Variants in CFAP47 observed in about 807,000 individuals in gnomAD.
CFAP47 encodes cilia- and flagella-associated protein 47.
In CFAP47, 29 loss-of-function variants were observed where a neutral mutation model predicts 148.1. The ratio of observed to expected loss-of-function variants is 0.20; its 90% CI spans 0.15 to 0.27. CFAP47 has a LOEUF of 0.27. CFAP47 is among the 10% of genes least tolerant of loss of function. The probability of loss-of-function intolerance (pLI) is 1.00; values close to 1 mark genes in which losing one functional copy is unlikely to be tolerated. For synonymous variants in CFAP47, 664 were observed against 577.3 expected, an observed-to-expected ratio of 1.15 and a Z score of -2.15; for missense variants, 1,872 against 1,697.5, an observed-to-expected ratio of 1.10 and a Z score of -1.81.
At chrX:36,060,769 G>C (rs889225872) in intron 26 of CFAP47, among the ~76,000 whole-genome samples, 1 of 111,330 alleles carries the variant, frequency 9.0e-6, no homozygotes, top group Non-Finnish European at 1.9e-5. Context: ...AGAATTATTA[G>C]TGTTTATAAA....
At chrX:36,113,320 A>G (rs1201243507) in intron 33 of CFAP47, among the ~76,000 whole-genome samples, 1 of 111,866 alleles carries the variant, frequency 8.9e-6, no homozygotes, top group Non-Finnish European at 1.9e-5. Flanking sequence ...TTGTCTGAAT[A>G]GGATCTTATT....
Position 36,263,886 on chromosome X carries a change from C to G in CFAP47, c.7444+12442C>G, listed in dbSNP as rs782520977. ...TGTGCTGAGTCTCACCTGAAGCCAGCAAGTCTCAGAGGCTCACCCAAGGCC... is the reference window on the plus strand; with the variant it reads ...TGTGCTGAGTCTCACCTGAAGCCAGGAAGTCTCAGAGGCTCACCCAAGGCC... On this transcript the variant is annotated intron_variant, in intron 49 of 63. Coordinates refer to ENST00000378653, the MANE Select transcript of CFAP47 (RefSeq NM_001304548.2). Among the ~76,000 whole-genome samples the G allele has an allele frequency of 2.7e-5, 3 of 111,995 alleles. No homozygotes were observed. The East Asian group carries it at 8.4e-4, about 32-fold the overall frequency.
chrX:36,042,703 C>T (rs1937421258), intron 25 of CFAP47, among the ~76,000 whole-genome samples: 1 of 111,349 alleles, frequency 9.0e-6, no homozygotes, highest in Non-Finnish European at 1.9e-5. Context: ...CACCGATATT[C>T]ATGGATTGGA....
rs28473164 is a variant in CFAP47, at chrX:36,235,948, C to T, written c.7029C>T (p.Asn2343=). 7,330 of 489,506 alleles carry T rather than the reference C, an allele frequency of 0.015. 408 individuals are homozygous for T. In the African/African-American group the frequency reaches 0.15, roughly 10 times the overall value. 40.3% of individuals were successfully genotyped at this position (489,506 alleles called of 1,213,427 possible). ...TCATGCTTTAGAAAAATCAAACAAA[C>T]GATAAATGGACCTTTCAAGTTACTA... The part of the protein sequence containing the change: ...TQNIPIKNQT[N]DKWTFQVTIE... The change falls in exon 47 of 64, where the codon AAC becomes AAT. Residue 2343 remains asparagine (N), a synonymous_variant. Coordinates refer to ENST00000378653, the MANE Select transcript of CFAP47 (RefSeq NM_001304548.2).
At chrX:36,031,886 C>T (rs749077223) in intron 23 of CFAP47, among the ~76,000 whole-genome samples, 16 of 110,201 alleles carry the variant, frequency 1.5e-4, no homozygotes, top group African/African-American at 5.2e-4. Context: ...TTGCACTGCC[C>T]CTTTTTGTCT....
At chrX:36,358,667 C>T (rs1556018771) in intron 60 of CFAP47, among the ~76,000 whole-genome samples, 1 of 111,754 alleles carries the variant, frequency 8.9e-6, no homozygotes. Flanking sequence ...TGCATTGTCT[C>T]GCTCTTTTCT....
intron 22 of CFAP47, 128 bp downstream of exon 22, chrX:36,015,040 G>C (rs1439918368): frequency 8.7e-5 from 22 of 251,466 alleles, no homozygotes. Context: ...AAAATTTTAA[G>C]AGGATTCCTT....
chrX:35,922,475 C>G (rs1318255080), intron 1 of CFAP47, among the ~76,000 whole-genome samples: 1 of 112,537 alleles, frequency 8.9e-6, no homozygotes, highest in Non-Finnish European at 1.9e-5. Flanking sequence ...GCAGTTTGAC[C>G]AAAAGCACAT....
intron 10 of CFAP47, 68 bp from the exon 11 acceptor site, chrX:35,970,700 G>C: frequency 2.3e-6 from 2 of 861,909 alleles, no homozygotes; most frequent in Non-Finnish European, 3.2e-6. Flanking sequence ...TGGCTAGGAG[G>C]CTGTCAGTAA....
At chrX:36,028,880 G>A (rs761893793) in intron 22 of CFAP47, among the ~76,000 whole-genome samples, 1 of 110,358 alleles carries the variant, frequency 9.1e-6, no homozygotes, top group South Asian at 3.7e-4. Context: ...AAGGACTCCA[G>A]TACTATGTGG....
chrX:36,037,831 C>T (rs1456732647), intron 24 of CFAP47, among the ~76,000 whole-genome samples: 1 of 111,427 alleles, frequency 9.0e-6, no homozygotes, highest in Non-Finnish European at 1.9e-5. Context: ...GAAATGAAAC[C>T]ATTATTTCCC....
chrX:36,260,820 G>GT (rs1181141678), intron 49 of CFAP47, among the ~76,000 whole-genome samples: 32 of 111,616 alleles, frequency 2.9e-4, no homozygotes, highest in African/African-American at 7.8e-4. Flanking sequence ...TTGTTCTAGG[G>GT]TTTTTTTATA....
rs193158047 is a variant in CFAP47, at chrX:36,040,534, T to A, written c.4007+1355T>A. Among the ~76,000 whole-genome samples the A allele has an allele frequency of 1.3e-4, 14 of 111,624 alleles. No homozygotes were observed. The East Asian group carries it at 3.6e-3, about 29-fold the overall frequency. Reference sequence around the variant, plus strand: ...ATGAGACATTTATAGAAATTGACAATGTATGATTCTATAGTTATAATTCAA... The same window carrying A: ...ATGAGACATTTATAGAAATTGACAAAGTATGATTCTATAGTTATAATTCAA... On this transcript the variant is annotated intron_variant, in intron 25 of 63. Coordinates refer to ENST00000378653, the MANE Select transcript of CFAP47 (RefSeq NM_001304548.2).
Position 36,194,381 on chromosome X carries a change from C to A in CFAP47, c.6321+4185C>A, listed in dbSNP as rs781965237. 6.3e-5 allele frequency among the ~76,000 whole-genome samples: 7 copies of A among 111,512 alleles called. No homozygotes were observed. In the East Asian group the frequency reaches 2.0e-3, roughly 32 times the overall value. On this transcript the variant is annotated intron_variant, in intron 42 of 63. Transcript: ENST00000378653. ...TCATCTTTCTATCTCCTTCTGAGCC[C>A]TCCAAATGGCTCCAACCTCTGCCTC... is the stretch of plus-strand genomic sequence containing the variant.
In CFAP47 at chrX:35,970,895, G is replaced by T. The variant is rs763875914; in HGVS notation, c.1942G>T (p.Val648Leu). The change falls in exon 11 of 64, where the codon GTG (valine) becomes TTG (leucine). Residue 648 changes from valine (V) to leucine (L), a missense_variant. By Grantham distance (32) the Val-to-Leu change is conservative. Coordinates refer to ENST00000378653, the MANE Select transcript of CFAP47 (RefSeq NM_001304548.2). ...AATGTATCTTAAATATTTAAGAAGT[G>T]TGCGCTTGCAGAAGAAACAAGCAGA... ...YAMYLKYLRS[V>L]RLQKKQAERE... 6.5e-5 allele frequency: 77 copies of T among 1,188,104 alleles called. No homozygotes were observed. Among genetic ancestry groups the T allele is most frequent in the Non-Finnish European group, 8.1e-5 (72 of 885,404 alleles).
Position 36,160,661 on chromosome X carries a change from A to G in CFAP47, c.5938-20A>G. On this transcript the variant is annotated intron_variant, in intron 38 of 63. Coordinates refer to ENST00000378653, the MANE Select transcript of CFAP47 (RefSeq NM_001304548.2). ...TTTTTTGTTATTATCATGTGGTAAGACTTTATTTTTTTACTTTAGGACATT... is the reference window on the plus strand; with the variant it reads ...TTTTTTGTTATTATCATGTGGTAAGGCTTTATTTTTTTACTTTAGGACATT... 3.4e-6 allele frequency: 1 copy of G among 292,356 alleles called. No individual in the cohort carries two copies. The highest frequency in any genetic ancestry group is 4.8e-5 in the East Asian group (1 of 20,721). The allele number at this position is 292,356 out of a possible 1,213,427, so 24.1% of individuals were successfully genotyped here.
chrX:36,104,077 T>C (rs1938426517), intron 32 of CFAP47, among the ~76,000 whole-genome samples: 1 of 112,066 alleles, frequency 8.9e-6, no homozygotes, highest in South Asian at 3.7e-4. Flanking sequence ...ACCTCTTAAA[T>C]AAATGTAAGA....
chrX:36,236,815 C>T lies in CFAP47; in HGVS notation c.7288C>T (p.His2430Tyr). ...ECQVGNVTQK[H>Y]ITLPHFTNTA... ...TCAAGTGGGGAATGTGACACAAAAG[C>T]ATATAACATTGCCTCATTTCACAAA... is the stretch of plus-strand genomic sequence containing the variant. The change falls in exon 48 of 64, where the codon CAT becomes TAT. Residue 2430 changes from histidine to tyrosine, a missense_variant. Physicochemically the swap from His to Tyr is moderately conservative, Grantham distance 83 (BLOSUM62 2). Transcript: ENST00000378653. 1 of 502,568 alleles carries T rather than the reference C, an allele frequency of 2.0e-6. No individual in the cohort carries two copies. Among genetic ancestry groups the T allele is most frequent in the Non-Finnish European group, 3.6e-6 (1 of 276,891 alleles). The allele number at this position is 502,568 out of a possible 1,213,427, so 41.4% of individuals were successfully genotyped here. A position where few individuals can be genotyped will look rare whatever the true frequency, so the allele number is the denominator to read the frequency against.
chrX:36,167,190 G>T (rs947891210), intron 39 of CFAP47, among the ~76,000 whole-genome samples: 1 of 111,075 alleles, frequency 9.0e-6, no homozygotes, highest in Non-Finnish European at 1.9e-5. Context: ...CACCATAACT[G>T]GCACTATTTC....
Sources: allele counts gnomAD v4.1 joint callset (sites outside exome capture counted in the v4.1 genomes callset), GRCh38; gene constraint gnomAD v4.1.1; transcripts MANE v1.5; gene names NCBI Gene and HGNC (gene_info 2026-07-23, HGNC 2026-07-21).